The following CDK5RAP1 variants were observed in gnomAD, a reference collection of about 807,000 sequenced individuals.
CDK5RAP1 encodes CDK5RAP1 mitochondrial tRNA methylthiotransferase.
In CDK5RAP1, 62 loss-of-function variants were observed where a neutral mutation model predicts 64.5. That is an observed-to-expected ratio of 0.96 (90% CI 0.78 to 1.19). The LOEUF (loss-of-function observed/expected upper bound fraction) is 1.19, where lower values mean the gene tolerates loss of function less well. Among genes scored for constraint, CDK5RAP1 ranks in the 50% most tolerant of loss-of-function variants. The pLI, the probability that CDK5RAP1 is intolerant of heterozygous loss-of-function variation, is 0.00. For synonymous variants in CDK5RAP1, 250 were observed against 261.9 expected, an observed-to-expected ratio of 0.95 and a Z score of 0.44; for missense variants, 657 against 735.0, an observed-to-expected ratio of 0.89 and a Z score of 1.23.
Position 33,395,083 on chromosome 20 carries a change from A to C in CDK5RAP1, c.338T>G (p.Val113Gly). The C allele has an allele frequency of 6.2e-7, 1 of 1,613,712 alleles. No homozygotes were observed. Among genetic ancestry groups the C allele is most frequent in the Non-Finnish European group, 8.5e-7 (1 of 1,179,598 alleles). ...YLETYGCQMN[V>G]NDTEIAWSIL... The stretch of plus-strand genomic sequence containing the variant: ...GGACCAGGCTATCTCTGTGTCATTC[A>C]CATTCATCTGGCAGCCATAGGTCTC... Residue 113 changes from valine to glycine, a missense_variant, in exon 3 of 14, where the codon GTG becomes GGG. Physicochemically the swap from Val to Gly is moderately radical, Grantham distance 109 (BLOSUM62 -3). Transcript: ENST00000346416.
chr20:33,388,830 T>G (rs1430229604), intron 5 of CDK5RAP1, among the ~76,000 whole-genome samples: 2 of 152,226 alleles, frequency 1.3e-5, no homozygotes, highest in East Asian at 3.9e-4. Context: ...TTTCGCTGTG[T>G]TGGCCGGGCT....
In CDK5RAP1 at chr20:33,392,122, ATG is replaced by A; in HGVS notation, c.544+18_544+19del. On this transcript the variant is annotated intron_variant, in intron 5 of 13. Coordinates refer to ENST00000346416, the MANE Select transcript of CDK5RAP1 (RefSeq NM_016408.4). Reference sequence around the variant, plus strand: ...AAGTCCAAGTTTCAAAGCTGACAAAATGTGCAAATTACCAGATACCTAGAATT... The same window carrying A: ...AAGTCCAAGTTTCAAAGCTGACAAAATGCAAATTACCAGATACCTAGAATT... 6.7e-7 allele frequency: 1 copy of A among 1,493,556 alleles called. No individual in the cohort carries two copies. The highest frequency in any genetic ancestry group is 9.3e-7 in the Non-Finnish European group (1 of 1,075,818). The allele number at this position is 1,493,556 out of a possible 1,614,324, so 92.5% of individuals were successfully genotyped here.
At chr20:33,385,863 G>C in intron 6 of CDK5RAP1, 93 bp from the exon 7 acceptor site, 1 of 1,217,140 alleles carries the variant, frequency 8.2e-7, no homozygotes, top group Non-Finnish European at 1.1e-6. Flanking sequence ...ATTATTCTTT[G>C]GCTCTGAATC....
In CDK5RAP1 at chr20:33,374,132, C is replaced by G. The variant is rs1985564550; in HGVS notation, c.1188G>C (p.Leu396Phe). The G allele has an allele frequency of 1.9e-6, 3 of 1,613,504 alleles. No homozygotes were observed. The highest frequency in any genetic ancestry group is 2.5e-6 in the Non-Finnish European group (3 of 1,179,520). Residue 396 changes from leucine (L) to phenylalanine (F), a missense_variant, in exon 9 of 14, where the codon TTG becomes TTC. By Grantham distance (22) the Leu-to-Phe change is conservative. Transcript: ENST00000346416. ...AGCCTGACCCCCTCCGCATGGCCTC[C>G]AACACACGGCTGCTTCCACTCTGGG... The part of the protein sequence containing the change: ...LPAQSGSSRV[L>F]EAMRRGYSRE...
In CDK5RAP1 at chr20:33,372,965, T is replaced by TGCAATGGCAC. The variant is rs1985326978; in HGVS notation, c.1206-278_1206-269dup. ...TCTCGCTCTGTCTCTCAGGCTGGAG[T>TGCAATGGCAC]GCAATGGCACAATCTCGGTTCACTG... On this transcript the variant is annotated intron_variant, in intron 9 of 13. Transcript: ENST00000346416. 4 of 258,230 alleles carry TGCAATGGCAC rather than the reference T, an allele frequency of 1.5e-5. No homozygotes were observed. In the Admixed American group the frequency reaches 2.4e-4, roughly 15 times the overall value. 16.0% of individuals were successfully genotyped at this position (258,230 alleles called of 1,614,324 possible).
At chr20:33,392,886 C>CT (rs11484160) in intron 4 of CDK5RAP1, among the ~76,000 whole-genome samples, 21,808 of 144,796 alleles carry the variant, frequency 0.15, 2,014 homozygotes, top group East Asian at 0.38. Context: ...GCAATTTCTC[C>CT]TTTTTTTTTT....
chr20:33,358,999 T>C lies in CDK5RAP1; in HGVS notation c.*44A>G, dbSNP rs1982406637. The C allele has an allele frequency of 7.3e-7, 1 of 1,373,410 alleles. No individual in the cohort carries two copies. The highest frequency in any genetic ancestry group is 1.4e-5 in the African/African-American group (1 of 70,026). 85.1% of individuals were successfully genotyped at this position (1,373,410 alleles called of 1,614,324 possible). ...TGGCAGGCAATGTCTCCCCTTCCTG[T>C]TGGGGAGGATTGCCCAAGTCAGCTC... is the stretch of plus-strand genomic sequence containing the variant. On this transcript the variant is annotated 3_prime_UTR_variant, in exon 14 of 14. Transcript: ENST00000346416.
chr20:33,386,587 TCG>T (rs780146160), intron 6 of CDK5RAP1, among the ~76,000 whole-genome samples: 7 of 152,286 alleles, frequency 4.6e-5, no homozygotes, highest in South Asian at 2.1e-4. Context: ...CGAAGTTAAA[TCG>T]CTCTCTTTAA....
Position 33,387,496 on chromosome 20 carries a change from G to T in CDK5RAP1, c.582C>A (p.Asn194Lys). ...MAERLKEEIL[N>K]REKMVDILAG... is the part of the protein sequence containing the mutation. ...CCAAAATATCTACCATTTTCTCTCT[G>T]TTGAGAATCTCCTCCTTCAACCTCT... Residue 194 changes from asparagine to lysine, a missense_variant, in exon 6 of 14, where the codon AAC (asparagine) becomes AAA (lysine). Coordinates refer to ENST00000346416, the MANE Select transcript of CDK5RAP1 (RefSeq NM_016408.4). 1 of 1,614,050 alleles carries T rather than the reference G, an allele frequency of 6.2e-7. No individual in the cohort carries two copies. Among genetic ancestry groups the T allele is most frequent in the Non-Finnish European group, 8.5e-7 (1 of 1,180,012 alleles).
chr20:33,362,118 G>C (rs1464721158), intron 12 of CDK5RAP1, among the ~76,000 whole-genome samples: 1 of 152,014 alleles, frequency 6.6e-6, no homozygotes, highest in Non-Finnish European at 1.5e-5. Context: ...AGAGTAACAG[G>C]TGAAATTTTT....
rs191312609 is a variant in CDK5RAP1 at position 33,369,035 on chromosome 20, G to A, written c.1392+1464C>T. On this transcript the variant is annotated intron_variant, in intron 11 of 13. Transcript: ENST00000346416. ...CGCACCAGTAATCCCAGCTACTCGG[G>A]AGGCTGAGGCAGGAGGATTGCTTGA... Among the ~76,000 whole-genome samples the A allele has an allele frequency of 5.3e-5, 8 of 152,190 alleles. No homozygotes were observed. In the East Asian group the frequency reaches 1.4e-3, roughly 26 times the overall value.
chr20:33,385,900 C>A, intron 6 of CDK5RAP1, 130 bp from the exon 7 acceptor site: 2 of 791,570 alleles, frequency 2.5e-6, no homozygotes, highest in Non-Finnish European at 3.9e-6. Flanking sequence ...CACACTGGAC[C>A]AATCTGAGAT....
At chr20:33,373,658 C>T (rs1235147728) in intron 9 of CDK5RAP1, 2 of 157,120 alleles carry the variant, frequency 1.3e-5, no homozygotes, top group African/African-American at 2.4e-5. Flanking sequence ...CATAGAGCGA[C>T]ATTTAAATTC....
At chr20:33,384,782 G>A (rs1429035564) in intron 7 of CDK5RAP1, among the ~76,000 whole-genome samples, 1 of 152,156 alleles carries the variant, frequency 6.6e-6, no homozygotes, top group Admixed American at 6.5e-5. Context: ...CCTACCTGTA[G>A]TCCCAGCTAC....
rs1040338157 is a variant in CDK5RAP1 at position 33,375,473 on chromosome 20, T to C, written c.1108-1261A>G. On this transcript the variant is annotated intron_variant, in intron 8 of 13. Coordinates refer to ENST00000346416, the MANE Select transcript of CDK5RAP1 (RefSeq NM_016408.4). ...AACACATTCCAGTCTCTCTCCTCCA[T>C]TGCAAGAAAGGCTCCTTTGCAGTGG... Among the ~76,000 whole-genome samples the C allele has an allele frequency of 1.8e-4, 28 of 151,506 alleles. 1 individual carries two copies. The highest frequency in any genetic ancestry group is 1.8e-3 in the Admixed American group (27 of 15,186).
chr20:33,366,447 A>T (rs1983978492), intron 12 of CDK5RAP1, among the ~76,000 whole-genome samples: 1 of 52,308 alleles, frequency 1.9e-5, no homozygotes, highest in Non-Finnish European at 6.2e-5. Context: ...CGTCTCTACT[A>T]AAAAAAATAC....
At chr20:33,367,830 G>A (rs1169218757) in intron 11 of CDK5RAP1, among the ~76,000 whole-genome samples, 2 of 152,180 alleles carry the variant, frequency 1.3e-5, no homozygotes, top group African/African-American at 4.8e-5. Flanking sequence ...GAGAACCACT[G>A]AGCTAGACAA....
At chr20:33,379,750 A>G in intron 7 of CDK5RAP1, 59 bp from the exon 8 acceptor site, 2 of 1,269,506 alleles carry the variant, frequency 1.6e-6, no homozygotes, top group South Asian at 1.3e-5. Context: ...ATAAAAAAAC[A>G]CTAATTAAAA....
At position 33,379,464 on chromosome 20, in the gene CDK5RAP1, A is replaced by T; in HGVS notation, c.1104T>A (p.Asp368Glu). The T allele has an allele frequency of 6.2e-7, 1 of 1,604,040 alleles. No individual in the cohort carries two copies. The highest frequency in any genetic ancestry group is 8.5e-7 in the Non-Finnish European group (1 of 1,170,918). ...FTSPHPKDFP[D>E]EVLQLIHERD... ...TCACAGCTAACCTGACGCTCACCTCATCAGGAAAATCCTTGGGGTGGGGAG... is the reference window on the plus strand; with the variant it reads ...TCACAGCTAACCTGACGCTCACCTCTTCAGGAAAATCCTTGGGGTGGGGAG... The change falls in exon 8 of 14, where the codon GAT becomes GAA. Residue 368 changes from aspartate (D) to glutamate (E), a missense_variant. Asp to Glu is a conservative substitution (Grantham distance 45). Transcript: ENST00000346416.
Sources: gnomAD v4.1 joint callset for allele counts (sites outside exome capture counted in the v4.1 genomes callset) on GRCh38, gnomAD v4.1.1 for gene constraint, MANE v1.5 for transcripts, NCBI Gene and HGNC (gene_info 2026-07-23, HGNC 2026-07-21) for gene names.